The following PNPLA7 variants were observed in gnomAD, a reference collection of about 807,000 sequenced individuals.
The protein encoded by PNPLA7 is patatin-like phospholipase domain-containing protein 7.
PNPLA7 carries 153 observed loss-of-function variants against 161.7 expected under a neutral mutation model. That is an observed-to-expected ratio of 0.95 (90% CI 0.83 to 1.08). PNPLA7 has a LOEUF of 1.08. Among genes scored for constraint, PNPLA7 ranks in the 50% least tolerant of loss-of-function variants. The pLI is 0.00. For synonymous variants in PNPLA7, 809 were observed against 782.1 expected, an observed-to-expected ratio of 1.03 and a Z score of -0.57; for missense variants, 1,739 against 1,856.6, an observed-to-expected ratio of 0.94 and a Z score of 1.16.
intron 25 of PNPLA7, among the ~76,000 whole-genome samples, chr9:137,475,725 G>GA (rs1436956683): frequency 6.7e-6 from 1 of 149,442 alleles, no homozygotes; most frequent in Non-Finnish European, 1.5e-5. Context: ...GGTTCCAGAA[G>GA]AAAAAACGGC....
intron 29 of PNPLA7, 47 bp downstream of exon 29, chr9:137,463,368 C>T: frequency 2.0e-6 from 3 of 1,508,520 alleles, no homozygotes; most frequent in Non-Finnish European, 2.7e-6. Context: ...GGCGGCGTGA[C>T]CCAGGAGCCT....
chr9:137,503,004 G>A (rs566837796), intron 14 of PNPLA7, among the ~76,000 whole-genome samples: 5 of 151,984 alleles, frequency 3.3e-5, no homozygotes, highest in South Asian at 4.1e-4. Flanking sequence ...GTTACTGTGA[G>A]GGATGCTAGG....
intron 7 of PNPLA7, 135 bp downstream of exon 7, chr9:137,542,507 G>GT (rs1461003874): frequency 2.4e-5 from 24 of 1,018,148 alleles, no homozygotes; most frequent in Non-Finnish European, 3.3e-5. Flanking sequence ...AATAAAAACG[G>GT]TGAGTTTTCC....
intron 23 of PNPLA7, among the ~76,000 whole-genome samples, chr9:137,480,075 G>A (rs1331460894): frequency 3.3e-5 from 5 of 152,268 alleles, no homozygotes; most frequent in African/African-American, 1.2e-4. Context: ...GCGAAAGGCG[G>A]CCGGAGGCTG....
intron 14 of PNPLA7, 117 bp from the exon 15 acceptor site, chr9:137,501,844 A>G: frequency 9.6e-7 from 1 of 1,046,958 alleles, no homozygotes; most frequent in Non-Finnish European, 1.4e-6. Flanking sequence ...AGGCCGGGCA[A>G]GGCCCTCCTC....
intron 26 of PNPLA7, among the ~76,000 whole-genome samples, chr9:137,465,828 C>G (rs1180212225): frequency 6.6e-6 from 1 of 152,180 alleles, no homozygotes; most frequent in African/African-American, 2.4e-5. Flanking sequence ...CGGTTTTGTT[C>G]CACAAAAGCA....
In PNPLA7 at chr9:137,540,948, C is replaced by T; in HGVS notation, c.667-226G>A. 2.0e-6 allele frequency: 1 copy of T among 509,668 alleles called. No homozygotes were observed. The highest frequency in any genetic ancestry group is 3.6e-6 in the Non-Finnish European group (1 of 278,446). The allele number at this position is 509,668 out of a possible 1,614,324, so 31.6% of individuals were successfully genotyped here. A position where few individuals can be genotyped will look rare whatever the true frequency, so the allele number is the denominator to read the frequency against. The stretch of plus-strand genomic sequence containing the variant: ...GCAAGGAAAACAGACGGAGGAGACC[C>T]CACCTCTCCATCCCATGACTCGTCT... On this transcript the variant is annotated intron_variant, in intron 7 of 34. Coordinates refer to ENST00000406427, the MANE Select transcript of PNPLA7 (RefSeq NM_001098537.3). This position sits in a 1 kb window ranked among gnomAD's most constrained non-coding sequence, Gnocchi z 5.1.
chr9:137,460,373 G>A lies in PNPLA7; in HGVS notation c.*20C>T, dbSNP rs543672847. 6.2e-6 allele frequency: 10 copies of A among 1,606,024 alleles called. No individual in the cohort carries two copies. Among genetic ancestry groups the A allele is most frequent in the East Asian group, 2.2e-5 (1 of 44,682 alleles). Reference sequence around the variant, plus strand: ...CAGTCCCACGGAAGACGCTGCATCCGGGCTCTTTAGCAGAGGCCTCTACCC... The same window carrying A: ...CAGTCCCACGGAAGACGCTGCATCCAGGCTCTTTAGCAGAGGCCTCTACCC... On this transcript the variant is annotated 3_prime_UTR_variant, in exon 35 of 35. Coordinates refer to ENST00000406427, the MANE Select transcript of PNPLA7 (RefSeq NM_001098537.3).
At position 137,540,380 on chromosome 9, in the gene PNPLA7, G is replaced by A. The variant is rs1034612267; in HGVS notation, c.747+262C>T. Among the ~76,000 whole-genome samples the A allele has an allele frequency of 6.6e-6, 1 of 152,172 alleles. No homozygotes were observed. Among genetic ancestry groups the A allele is most frequent in the African/African-American group, 2.4e-5 (1 of 41,446 alleles). ...GTGCCTTTTGAATGCTGAACCACATGCATTTATGACCCAGTTCAACAACAG... is the reference window on the plus strand; with the variant it reads ...GTGCCTTTTGAATGCTGAACCACATACATTTATGACCCAGTTCAACAACAG... On this transcript the variant is annotated intron_variant, in intron 8 of 34. Transcript: ENST00000406427. This position sits in a 1 kb window ranked among gnomAD's most constrained non-coding sequence, Gnocchi z 5.1.
rs781769474 is a variant in PNPLA7 at position 137,543,608 on chromosome 9, A to G, written c.366-36T>C. 6.2e-7 allele frequency: 1 copy of G among 1,606,160 alleles called. No homozygotes were observed. The highest frequency in any genetic ancestry group is 8.5e-7 in the Non-Finnish European group (1 of 1,175,488). ...GAGACACACTAGCCTTGAGCAGACC[A>G]GGCGGGTTCGAAACCCACAGCATCA... On this transcript the variant is annotated intron_variant, in intron 5 of 34. Transcript: ENST00000406427. This position sits in a 1 kb window ranked among gnomAD's most constrained non-coding sequence, Gnocchi z 6.9.
rs1835131981 is a variant in PNPLA7, at chr9:137,523,347, G to A, written c.748-490C>T. 6.6e-6 allele frequency among the ~76,000 whole-genome samples: 1 copy of A among 152,096 alleles called. No homozygotes were observed. The highest frequency in any genetic ancestry group is 2.4e-5 in the African/African-American group (1 of 41,412). ...CAGTGGGGTCACCGCCTAGGACAGGGAGCGCGCACTGCCGGGTCGCACGAG... is the reference window on the plus strand; with the variant it reads ...CAGTGGGGTCACCGCCTAGGACAGGAAGCGCGCACTGCCGGGTCGCACGAG... On this transcript the variant is annotated intron_variant, in intron 8 of 34. Coordinates refer to ENST00000406427, the MANE Select transcript of PNPLA7 (RefSeq NM_001098537.3). This position sits in a 1 kb window ranked among gnomAD's most constrained non-coding sequence, Gnocchi z 4.4.
At chr9:137,474,738 C>T (rs879547667) in intron 25 of PNPLA7, among the ~76,000 whole-genome samples, 4 of 151,972 alleles carry the variant, frequency 2.6e-5, no homozygotes, top group East Asian at 1.9e-4. Context: ...GAAGGCTGGG[C>T]GCAGTGGCTC....
chr9:137,508,224 T>A (rs1416073782), intron 12 of PNPLA7, among the ~76,000 whole-genome samples: 1 of 150,402 alleles, frequency 6.6e-6, no homozygotes, highest in Non-Finnish European at 1.5e-5. Context: ...AGGCCTTACC[T>A]CAAAAAAAGA....
At chr9:137,510,443 G>A (rs1834161910) in intron 12 of PNPLA7, among the ~76,000 whole-genome samples, 1 of 152,208 alleles carries the variant, frequency 6.6e-6, no homozygotes, top group Non-Finnish European at 1.5e-5. Flanking sequence ...AATGGCGTAA[G>A]CTGTCTTTCT....
In PNPLA7 at chr9:137,490,889, A is replaced by G. The variant is rs986985597; in HGVS notation, c.2197+2124T>C. ...AGGTAATAGTTAAGACAACCACATCATAAAGGGGGAAGGATGAAGTGACTG... is the reference window on the plus strand; with the variant it reads ...AGGTAATAGTTAAGACAACCACATCGTAAAGGGGGAAGGATGAAGTGACTG... On this transcript the variant is annotated intron_variant, in intron 20 of 34. Coordinates refer to ENST00000406427, the MANE Select transcript of PNPLA7 (RefSeq NM_001098537.3). The surrounding 1 kb of genome is among the most constrained non-coding windows in gnomAD (Gnocchi z 4.1). Among the ~76,000 whole-genome samples the G allele has an allele frequency of 2.6e-5, 4 of 152,244 alleles. No individual in the cohort carries two copies. Among genetic ancestry groups the G allele is most frequent in the Non-Finnish European group, 4.4e-5 (3 of 68,046 alleles).
At position 137,547,302 on chromosome 9, in the gene PNPLA7, T is replaced by G; in HGVS notation, c.193+7A>C. 1 of 1,613,188 alleles carries G rather than the reference T, an allele frequency of 6.2e-7. No homozygotes were observed. The highest frequency in any genetic ancestry group is 8.5e-7 in the Non-Finnish European group (1 of 1,179,718). ...CCCCGGGCCAGAGTCGGAACCAAGA[T>G]ACTCACGAAATTGTCTAAGCCTTCT... On this transcript the variant is annotated splice_region_variant and intron_variant, in intron 3 of 34. Transcript: ENST00000406427. The surrounding 1 kb of genome is among the most constrained non-coding windows in gnomAD (Gnocchi z 4.6).
intron 4 of PNPLA7, among the ~76,000 whole-genome samples, chr9:137,544,170 ACT>A (rs1836363921): frequency 6.6e-6 from 1 of 151,820 alleles, no homozygotes; most frequent in Admixed American, 6.6e-5. Context: ...AAAATCCACC[ACT>A]GTCCCCACCG....
chr9:137,519,254 C>T (rs1056325012), intron 11 of PNPLA7, among the ~76,000 whole-genome samples: 1 of 152,260 alleles, frequency 6.6e-6, no homozygotes, highest in African/African-American at 2.4e-5. Context: ...TTAACTCCAT[C>T]ACACAGATCG....
chr9:137,512,285 C>T (rs926043496), intron 12 of PNPLA7, among the ~76,000 whole-genome samples: 1 of 152,274 alleles, frequency 6.6e-6, no homozygotes, highest in Non-Finnish European at 1.5e-5. Flanking sequence ...GAAGCCTGCA[C>T]CACCACGAGA....
Sources: gnomAD v4.1 joint callset for allele counts (sites outside exome capture counted in the v4.1 genomes callset) on GRCh38, gnomAD v4.1.1 for gene constraint, Gnocchi (gnomAD v3.1) non-coding constraint, MANE v1.5 for transcripts, NCBI Gene and HGNC (gene_info 2026-07-23, HGNC 2026-07-21) for gene names.